The following MYH6 variants were observed in gnomAD, a reference collection of about 807,000 sequenced individuals.
MYH6 encodes myosin-6.
MYH6 carries 126 observed loss-of-function variants against 223.2 expected under a neutral mutation model. The ratio of observed to expected loss-of-function variants is 0.56; its 90% CI spans 0.49 to 0.65. The LOEUF (loss-of-function observed/expected upper bound fraction) is 0.65, where lower values mean the gene tolerates loss of function less well. MYH6 is among the 30% of genes least tolerant of loss of function. The pLI, the probability that MYH6 is intolerant of heterozygous loss-of-function variation, is 0.00. For missense variants in MYH6, 2,040 were observed against 2,536.4 expected (o/e 0.80, Z 4.20); for synonymous variants, 978 against 1,010.2 (o/e 0.97, Z 0.61).
Position 23,383,339 on chromosome 14 carries a change from G to GGGGGCCCCCCCCCCCC in MYH6, c.5566-20_5566-19insGGGGGGGGGGGGCCCC. The GGGGGCCCCCCCCCCCC allele has an allele frequency of 9.2e-6, 1 of 108,186 alleles. No individual in the cohort carries two copies. Among genetic ancestry groups the GGGGGCCCCCCCCCCCC allele is most frequent in the African/African-American group, 9.5e-5 (1 of 10,532 alleles). The allele number at this position is 108,186 out of a possible 1,614,324, so 6.7% of individuals were successfully genotyped here. A position where few individuals can be genotyped will look rare whatever the true frequency, so the allele number is the denominator to read the frequency against. On this transcript the variant is annotated intron_variant, in intron 36 of 38. Transcript: ENST00000405093. The stretch of plus-strand genomic sequence containing the variant: ...CCTCTGTCTGGGGGTGGGAGGGTGG[G>GGGGGCCCCCCCCCCCC]AGAAGCTGGTTTGGAGGGGGAGCAA...
intron 36 of MYH6, 21 bp from the exon 37 acceptor site, chr14:23,383,341 G>GGGGGCCCCCCCCCCCCCCC: frequency 3.6e-6 from 2 of 556,556 alleles, no homozygotes; most frequent in Non-Finnish European, 6.5e-6. Context: ...GAGGGTGGGA[G>GGGGGCCCCCCCCCCCCCCC]AAGCTGGTTT....
intron 12 of MYH6, among the ~76,000 whole-genome samples, chr14:23,401,631 G>A (rs913063648): frequency 6.6e-6 from 1 of 152,222 alleles, no homozygotes; most frequent in African/African-American, 2.4e-5. Flanking sequence ...GCAAGGGTGT[G>A]GCTGAGGGGC....
intron 16 of MYH6, 81 bp from the exon 17 acceptor site, chr14:23,397,338 C>T (rs1891429887): frequency 5.7e-6 from 8 of 1,409,852 alleles, no homozygotes; most frequent in Non-Finnish European, 8.0e-6. Context: ...CAGACACTCT[C>T]CACCAGAATC....
chr14:23,385,834 G>A (rs955353457), intron 34 of MYH6, 94 bp downstream of exon 34: 6 of 1,546,578 alleles, frequency 3.9e-6, no homozygotes, highest in African/African-American at 1.4e-5. Context: ...TTGTGACCCT[G>A]GCTAGATGTG....
At position 23,389,072 on chromosome 14, in the gene MYH6, G is replaced by GGGGGGGGGGGGGC; in HGVS notation, c.3979-18_3979-17insGCCCCCCCCCCCC. On this transcript the variant is annotated splice_polypyrimidine_tract_variant and intron_variant, in intron 28 of 38. Coordinates refer to ENST00000405093, the MANE Select transcript of MYH6 (RefSeq NM_002471.4). ...GTTCTTCGCCTGGGGAGGGGGGGGGGCACCAGGAGGTGGGAGGGACTCCCT... is the reference window on the plus strand; with the variant it reads ...GTTCTTCGCCTGGGGAGGGGGGGGGGGGGGGGGGGGGGCCACCAGGAGGTGGGAGGGACTCCCT... The GGGGGGGGGGGGGC allele has an allele frequency of 8.8e-7, 1 of 1,135,152 alleles. No homozygotes were observed. Among genetic ancestry groups the GGGGGGGGGGGGGC allele is most frequent in the Non-Finnish European group, 1.3e-6 (1 of 774,132 alleles). 70.3% of individuals were successfully genotyped at this position (1,135,152 alleles called of 1,614,324 possible).
At chr14:23,406,365 C>T (rs1428044001) in intron 3 of MYH6, among the ~76,000 whole-genome samples, 1 of 152,162 alleles carries the variant, frequency 6.6e-6, no homozygotes, top group African/African-American at 2.4e-5. Context: ...AAATGATTTG[C>T]CTGCACAGTG....
rs1830725048 is a variant in MYH6 at position 23,389,851 on chromosome 14, AAG to A, written c.3733-134_3733-133del. 7 of 1,540,538 alleles carry A rather than the reference AAG, an allele frequency of 4.5e-6. 1 individual carries two copies. The Middle Eastern group carries it at 8.7e-4, about 192-fold the overall frequency. ...AGAAGGTGTGGGAGGGCGCAGTCTG[AAG>A]AGAGACTTGAATTAAAGAAAGGAGG... is the stretch of plus-strand genomic sequence containing the variant. On this transcript the variant is annotated intron_variant, in intron 26 of 38. Coordinates refer to ENST00000405093, the MANE Select transcript of MYH6 (RefSeq NM_002471.4).
chr14:23,384,303 T>A, intron 36 of MYH6, 139 bp downstream of exon 36: 1 of 1,363,488 alleles, frequency 7.3e-7, no homozygotes, highest in Middle Eastern at 2.5e-4. Flanking sequence ...CAAGTCAAAC[T>A]GACTGCAGAG....
At chr14:23,388,804 GTCCTCTCGCCCCT>G (rs1205177998) in intron 29 of MYH6, 42 bp downstream of exon 29, 1 of 1,613,270 alleles carries the variant, frequency 6.2e-7, no homozygotes, top group Non-Finnish European at 8.5e-7. Flanking sequence ...CCCACCCCAG[GTCCTCTCGCCCCT>G]TCCTCTCTGA....
At position 23,400,437 on chromosome 14, in the gene MYH6, C is replaced by T. The variant is rs1422611909; in HGVS notation, c.1411-11G>A. 2 of 1,614,068 alleles carry T rather than the reference C, an allele frequency of 1.2e-6. No homozygotes were observed. The highest frequency in any genetic ancestry group is 2.2e-5 in the South Asian group (2 of 91,080). Reference sequence around the variant, plus strand: ...CTCAAAGCTGTTGAACTGCAGGGGGCATGAGGGGTGGGAGCAGTCAGAAAG... The same window carrying T: ...CTCAAAGCTGTTGAACTGCAGGGGGTATGAGGGGTGGGAGCAGTCAGAAAG... On this transcript the variant is annotated splice_polypyrimidine_tract_variant and intron_variant, in intron 13 of 38. Transcript: ENST00000405093.
intron 7 of MYH6, 137 bp downstream of exon 7, chr14:23,404,574 C>T: frequency 9.2e-7 from 1 of 1,083,456 alleles, no homozygotes; most frequent in Non-Finnish European, 1.4e-6. Context: ...GGAAGGTCTT[C>T]CATACTGGGC....
Position 23,389,027 on chromosome 14 carries a change from T to C in MYH6, c.4007A>G (p.Gln1336Arg). The C allele has an allele frequency of 1.3e-6, 2 of 1,582,668 alleles. No homozygotes were observed. The highest frequency in any genetic ancestry group is 1.7e-6 in the Non-Finnish European group (2 of 1,164,052). The stretch of plus-strand genomic sequence containing the variant: ...CAGGTCGCAGTCATGCCGGGCCGAC[T>C]GCAGTGCATGGGCCAGGGCGTTCTT... ...KAKNALAHALQSARHDCDLLR... is the reference protein window; with the variant it reads ...KAKNALAHALRSARHDCDLLR... Residue 1336 changes from glutamine (Q) to arginine (R), a missense_variant, in exon 29 of 39, where the codon CAG (glutamine) becomes CGG (arginine). Physicochemically the swap from Gln to Arg is conservative, Grantham distance 43 (BLOSUM62 1). This residue lies in a region of MYH6 where 1,203 missense variants were observed against 1,400.2 expected (regional missense o/e 0.86). Transcript: ENST00000405093.
intron 16 of MYH6, 117 bp from the exon 17 acceptor site, chr14:23,397,374 A>G (rs1277627141): frequency 1.5e-6 from 2 of 1,295,396 alleles, no homozygotes; most frequent in Non-Finnish European, 2.2e-6. Flanking sequence ...GCTGCCACAT[A>G]ATTTGTGACG....
Position 23,397,210 on chromosome 14 carries a change from G to C in MYH6, c.2010C>G (p.His670Gln). 3 of 1,614,250 alleles carry C rather than the reference G, an allele frequency of 1.9e-6. No homozygotes were observed. Among genetic ancestry groups the C allele is most frequent in the Non-Finnish European group, 2.5e-6 (3 of 1,180,048 alleles). ...LMTNLRTTHP[H>Q]FVRCIIPNER... is the part of the protein sequence containing the mutation. ...CATTGGGGATGATGCAACGCACAAA[G>C]TGAGGATGGGTGGTCCTCAGGTTGG... is the stretch of plus-strand genomic sequence containing the variant. Residue 670 changes from histidine to glutamine, a missense_variant, in exon 17 of 39, where the codon CAC becomes CAG. Physicochemically the swap from His to Gln is conservative, Grantham distance 24 (BLOSUM62 0). Transcript: ENST00000405093.
chr14:23,405,365 G>C lies in MYH6; in HGVS notation c.360C>G (p.Leu120=). ...AAWMIYTYSG[L]FCVTVNPYKW... Reference sequence around the variant, plus strand: ...TGTAGGGGTTGACAGTGACACAGAAGAGGCCCGAGTAGGTCTGGAGCAGGA... The same window carrying C: ...TGTAGGGGTTGACAGTGACACAGAACAGGCCCGAGTAGGTCTGGAGCAGGA... Residue 120 remains leucine (L), a synonymous_variant, in exon 5 of 39, where the codon CTC becomes CTG. Coordinates refer to ENST00000405093, the MANE Select transcript of MYH6 (RefSeq NM_002471.4). The surrounding 1 kb of genome is among the most constrained non-coding windows in gnomAD (Gnocchi z 4.7). The C allele has an allele frequency of 6.2e-7, 1 of 1,614,174 alleles. No homozygotes were observed. Among genetic ancestry groups the C allele is most frequent in the Non-Finnish European group, 8.5e-7 (1 of 1,179,998 alleles).
At chr14:23,402,908 G>C in intron 10 of MYH6, 108 bp from the exon 11 acceptor site, 1 of 786,504 alleles carries the variant, frequency 1.3e-6, no homozygotes, top group Non-Finnish European at 2.2e-6. Flanking sequence ...TAAGGGACGG[G>C]GTGAATGGAG....
chr14:23,404,095 G>A (rs1178771499), intron 8 of MYH6, among the ~76,000 whole-genome samples: 3 of 152,222 alleles, frequency 2.0e-5, no homozygotes, highest in African/African-American at 7.2e-5. Flanking sequence ...AAGGAACTAG[G>A]GCTCAGAGAG....
In MYH6 at chr14:23,394,328, C is replaced by T. The variant is rs1176670439; in HGVS notation, c.2430-5G>A. 1 of 1,614,138 alleles carries T rather than the reference C, an allele frequency of 6.2e-7. No homozygotes were observed. Among genetic ancestry groups the T allele is most frequent in the Non-Finnish European group, 8.5e-7 (1 of 1,180,032 alleles). On this transcript the variant is annotated splice_region_variant and splice_polypyrimidine_tract_variant and intron_variant, in intron 20 of 38. Transcript: ENST00000405093. ...TGGATTACCAGCAGGGCATCCCTGG[C>T]AAGGAAACGTGGAGGCAGGGTGGGG...
Position 23,400,904 on chromosome 14 carries a change from C to T in MYH6, c.1215G>A (p.Val405=), listed in dbSNP as rs868562352. 1 of 1,614,256 alleles carries T rather than the reference C, an allele frequency of 6.2e-7. No individual in the cohort carries two copies. ...TGGTGACATACTCGTTGCCCACTTTCACCCGAGGGTGGCACAGCCCCTTGA... is the reference window on the plus strand; with the variant it reads ...TGGTGACATACTCGTTGCCCACTTTTACCCGAGGGTGGCACAGCCCCTTGA... The part of the protein sequence containing the change: ...DLLKGLCHPR[V]KVGNEYVTKG... The change falls in exon 13 of 39, where the codon GTG becomes GTA. Residue 405 remains valine, a synonymous_variant. Transcript: ENST00000405093.
Sources: gnomAD v4.1 joint callset for allele counts (sites outside exome capture counted in the v4.1 genomes callset) on GRCh38, gnomAD v4.1.1 for gene constraint, gnomAD v4.1.1 regional missense constraint, Gnocchi (gnomAD v3.1) non-coding constraint, MANE v1.5 for transcripts, NCBI Gene and HGNC (gene_info 2026-07-23, HGNC 2026-07-21) for gene names.